The following C10orf90 variants were observed in gnomAD, a reference collection of about 807,000 sequenced individuals.
C10orf90 encodes chromosome 10 open reading frame 90, also known as (E2-independent) E3 ubiquitin-conjugating enzyme FATS.
Under a neutral mutation model 62.5 loss-of-function variants are expected in C10orf90, and 56 were observed. The observed-to-expected ratio is 0.90, with a 90% CI of 0.72 to 1.12. C10orf90 has a LOEUF of 1.12. C10orf90 is among the 50% of genes most tolerant of loss of function. The probability of loss-of-function intolerance (pLI) is 0.00; values close to 1 mark genes in which losing one functional copy is unlikely to be tolerated. For missense variants in C10orf90, 970 were observed against 880.4 expected (o/e 1.10, Z -1.29); for synonymous variants, 386 against 340.4 (o/e 1.13, Z -1.47).
intron 2 of C10orf90, among the ~76,000 whole-genome samples, chr10:126,622,902 C>G (rs1199783227): frequency 6.6e-6 from 1 of 152,202 alleles, no homozygotes; most frequent in Non-Finnish European, 1.5e-5. Flanking sequence ...TGTGCAAGCA[C>G]ACATTTTCAC....
At chr10:126,616,616 G>A (rs531421539) in intron 2 of C10orf90, among the ~76,000 whole-genome samples, 1 of 152,284 alleles carries the variant, frequency 6.6e-6, no homozygotes, top group South Asian at 2.1e-4. Context: ...CAGCAACATG[G>A]TGGCTCTTTG....
At chr10:126,641,641 C>T (rs1591167345) in intron 2 of C10orf90, among the ~76,000 whole-genome samples, 1 of 152,136 alleles carries the variant, frequency 6.6e-6, no homozygotes, top group South Asian at 2.1e-4. Context: ...CAAGCAGTCT[C>T]ATCGGCAGAC....
intron 8 of C10orf90, among the ~76,000 whole-genome samples, chr10:126,427,195 G>C (rs1857315326): frequency 6.6e-6 from 1 of 152,236 alleles, no homozygotes; most frequent in Admixed American, 6.5e-5. Context: ...TGGGTTGAAT[G>C]AATGCATGAA....
At chr10:126,500,299 GA>G (rs1001063406) in intron 4 of C10orf90, among the ~76,000 whole-genome samples, 4 of 152,186 alleles carry the variant, frequency 2.6e-5, no homozygotes, top group Non-Finnish European at 5.9e-5. Context: ...CTGTCACTGA[GA>G]AGGGAACAGC....
At chr10:126,631,447 C>T (rs1373600607) in intron 2 of C10orf90, among the ~76,000 whole-genome samples, 1 of 152,152 alleles carries the variant, frequency 6.6e-6, no homozygotes, top group South Asian at 2.1e-4. Context: ...CAACCCTCTA[C>T]ACCTGAAGCA....
chr10:126,667,470 C>A (rs1400151036), intron 1 of C10orf90, among the ~76,000 whole-genome samples: 1 of 152,134 alleles, frequency 6.6e-6, no homozygotes, highest in East Asian at 1.9e-4. Flanking sequence ...AATACAAAAT[C>A]TTTCTTTGGC....
chr10:126,507,620 G>C (rs79873818), intron 3 of C10orf90, among the ~76,000 whole-genome samples: 7,376 of 152,090 alleles, frequency 0.048, 211 homozygotes, highest in Admixed American at 0.089. Flanking sequence ...GCTTCCTTGA[G>C]GCTAATGCTG....
chr10:126,641,063 A>T (rs1369523554), intron 2 of C10orf90, among the ~76,000 whole-genome samples: 1 of 152,220 alleles, frequency 6.6e-6, no homozygotes, highest in Non-Finnish European at 1.5e-5. Flanking sequence ...CCTAAAAACC[A>T]GGTGTTTCAG....
At chr10:126,655,330 T>C (rs931088821) in intron 1 of C10orf90, among the ~76,000 whole-genome samples, 3 of 151,954 alleles carry the variant, frequency 2.0e-5, no homozygotes, top group African/African-American at 7.3e-5. Flanking sequence ...AAAATATATA[T>C]ATAGTAATAT....
chr10:126,642,497 A>G (rs956298375), intron 2 of C10orf90, among the ~76,000 whole-genome samples: 6 of 151,918 alleles, frequency 3.9e-5, no homozygotes, highest in Non-Finnish European at 8.8e-5. Context: ...GCGCCACTGC[A>G]CTCCAGCCTG....
intron 2 of C10orf90, among the ~76,000 whole-genome samples, chr10:126,578,376 GA>G (rs1458650286): frequency 1.3e-5 from 2 of 152,084 alleles, no homozygotes; most frequent in Non-Finnish European, 2.9e-5. Flanking sequence ...TAAGCAAAGG[GA>G]AATGTTCTCA....
intron 2 of C10orf90, among the ~76,000 whole-genome samples, chr10:126,628,089 A>C (rs2133825403): frequency 6.6e-6 from 1 of 152,328 alleles, no homozygotes; most frequent in African/African-American, 2.4e-5. Flanking sequence ...AGTTCCCTCC[A>C]TGTAACACGT....
At chr10:126,522,746 C>A (rs999468111) in intron 2 of C10orf90, 1 of 152,322 alleles carries the variant, frequency 6.6e-6, no homozygotes, top group African/African-American at 2.4e-5. Context: ...TCCAGTAAGA[C>A]TAAAGCTGCG....
chr10:126,432,677 G>A (rs1857658922), intron 7 of C10orf90, among the ~76,000 whole-genome samples: 1 of 152,198 alleles, frequency 6.6e-6, no homozygotes, highest in African/African-American at 2.4e-5. Flanking sequence ...GTGGGTCATC[G>A]TGGCTGTGCG....
At chr10:126,522,717 T>C (rs913732024) in intron 2 of C10orf90, 1 of 152,244 alleles carries the variant, frequency 6.6e-6, no homozygotes, top group South Asian at 2.1e-4. Context: ...CATTTAAGTC[T>C]CTTACCAGGT....
Position 126,661,463 on chromosome 10 carries a change from G to A in C10orf90, c.240+8778C>T, listed in dbSNP as rs370227955. Among the ~76,000 whole-genome samples the A allele has an allele frequency of 1.2e-4, 19 of 152,166 alleles. 1 individual carries two copies. Among genetic ancestry groups the A allele is most frequent in the South Asian group, 1.2e-3 (6 of 4,816 alleles). ...AGCTAGTAAGAACCCAGACAGTCTC[G>A]ACCCAGTGCTCTTTCTCTTAATCAC... On this transcript the variant is annotated intron_variant, in intron 1 of 9. Coordinates refer to ENST00000488181, the MANE Select transcript of C10orf90 (RefSeq NM_001350921.2).
intron 2 of C10orf90, among the ~76,000 whole-genome samples, chr10:126,526,910 T>C (rs56379734): frequency 0.081 from 12,348 of 152,288 alleles, 711 homozygotes; most frequent in Middle Eastern, 0.19. Flanking sequence ...CCTTGCTTCT[T>C]AAGGCTGAAT....
Position 126,652,736 on chromosome 10 carries a change from T to G in C10orf90, c.241-6099A>C, listed in dbSNP as rs559079616. ...GAATAACTCCAAAATATAGGCATGT[T>G]AAATACCCAGTTACCAAGTCAAATT... On this transcript the variant is annotated intron_variant, in intron 1 of 9. Transcript: ENST00000488181. Among the ~76,000 whole-genome samples, 17 of 152,346 alleles carry G rather than the reference T, an allele frequency of 1.1e-4. 1 individual carries two copies. The highest frequency in any genetic ancestry group is 1.1e-3 in the Admixed American group (17 of 15,306).
intron 7 of C10orf90, among the ~76,000 whole-genome samples, chr10:126,451,781 C>A (rs1025788219): frequency 4.6e-5 from 7 of 151,882 alleles, no homozygotes; most frequent in Admixed American, 1.3e-4. Context: ...TCTGCAACAC[C>A]AGAGATGAAC....
Sources: allele counts gnomAD v4.1 joint callset (sites outside exome capture counted in the v4.1 genomes callset), GRCh38; gene constraint gnomAD v4.1.1; transcripts MANE v1.5; gene names NCBI Gene and HGNC (gene_info 2026-07-23, HGNC 2026-07-21).